The following SVOPL variants were observed in gnomAD, a reference collection of about 807,000 sequenced individuals.
SVOPL encodes the protein putative transporter SVOPL.
In SVOPL, 60 loss-of-function variants were observed where a neutral mutation model predicts 61.0. The observed-to-expected ratio is 0.98, with a 90% CI of 0.80 to 1.22. The LOEUF is 1.22. Among genes scored for constraint, SVOPL ranks in the 50% most tolerant of loss-of-function variants. The probability of loss-of-function intolerance (pLI) is 0.00; values close to 1 mark genes in which losing one functional copy is unlikely to be tolerated. For missense variants in SVOPL, 662 were observed against 643.9 expected (o/e 1.03, Z -0.30); for synonymous variants, 279 against 250.0 (o/e 1.12, Z -1.09).
In SVOPL at chr7:138,612,405, TAAAAAAAAAA is replaced by T. The variant is rs1158818070; in HGVS notation, c.1353+8631_1353+8640del. 3.2e-3 allele frequency among the ~76,000 whole-genome samples: 30 copies of T among 9,334 alleles called. 5 individuals are homozygous for T. Among genetic ancestry groups the T allele is most frequent in the African/African-American group, 0.017 (29 of 1,748 alleles). The allele number at this position is 9,334 out of a possible 152,430, so 6.1% of individuals were successfully genotyped here. A position where few individuals can be genotyped will look rare whatever the true frequency, so the allele number is the denominator to read the frequency against. The stretch of plus-strand genomic sequence containing the variant: ...AAGAATTATCAATAAAAAAATAAAT[TAAAAAAAAAA>T]AAAAAAAATAAAATAAAAAATAAAA... On this transcript the variant is annotated intron_variant, in intron 14 of 15. Transcript: ENST00000674285.
chr7:138,698,292 T>C (rs112845765), intron 1 of SVOPL, among the ~76,000 whole-genome samples: 1,582 of 152,266 alleles, frequency 0.01, 30 homozygotes, highest in African/African-American at 0.037. Context: ...GAGAAATTGC[T>C]ATTGCCTACC....
At chr7:138,611,871 G>T (rs1481163171) in intron 14 of SVOPL, among the ~76,000 whole-genome samples, 2 of 75,916 alleles carry the variant, frequency 2.6e-5, no homozygotes, top group African/African-American at 4.5e-5. Context: ...GCCTCTGCCC[G>T]GCCGCCACCC....
At chr7:138,656,198 T>C (rs1018973853) in intron 7 of SVOPL, among the ~76,000 whole-genome samples, 1 of 152,240 alleles carries the variant, frequency 6.6e-6, no homozygotes, top group Non-Finnish European at 1.5e-5. Flanking sequence ...CAATCAAGTA[T>C]TTTAAAATTA....
At chr7:138,606,342 G>A (rs1387239672) in intron 14 of SVOPL, among the ~76,000 whole-genome samples, 1 of 152,094 alleles carries the variant, frequency 6.6e-6, no homozygotes, top group Admixed American at 6.6e-5. Context: ...ACTGTGGAGA[G>A]GGGACCCAGA....
intron 5 of SVOPL, chr7:138,662,001 C>T: frequency 1.0e-6 from 1 of 985,520 alleles, no homozygotes; most frequent in Non-Finnish European, 1.2e-6. Flanking sequence ...GTTCCCCTAA[C>T]TCCAGAGGTT....
chr7:138,676,902 T>A lies in SVOPL; in HGVS notation c.174+1532A>T, dbSNP rs868178216. 7.3e-3 allele frequency among the ~76,000 whole-genome samples: 922 copies of A among 125,554 alleles called. 8 individuals carry two copies. Among genetic ancestry groups the A allele is most frequent in the African/African-American group, 0.03 (886 of 29,804 alleles). The allele number at this position is 125,554 out of a possible 152,430, so 82.4% of individuals were successfully genotyped here. ...GATTACCCACCTCTTGGGGTTCCTTTTTTTTTTTTTTTTTTTTTTGAGATG... is the reference window on the plus strand; with the variant it reads ...GATTACCCACCTCTTGGGGTTCCTTATTTTTTTTTTTTTTTTTTTGAGATG... On this transcript the variant is annotated intron_variant, in intron 3 of 15. Coordinates refer to ENST00000674285, the MANE Select transcript of SVOPL (RefSeq NM_001139456.2).
Position 138,628,171 on chromosome 7 carries a change from G to A in SVOPL, c.1056C>T (p.Ile352=), listed in dbSNP as rs374157361. The part of the protein sequence containing the change: ...SDYRTMIIST[I]GEIALNPLNI... ...AGGGACACTTACAAGCAATTTCACCGATGGTGCTGATGATCATGGTCCGAT... is the reference window on the plus strand; with the variant it reads ...AGGGACACTTACAAGCAATTTCACCAATGGTGCTGATGATCATGGTCCGAT... Residue 352 remains isoleucine (I), a synonymous_variant, in exon 11 of 16, where the codon ATC becomes ATT. Coordinates refer to ENST00000674285, the MANE Select transcript of SVOPL (RefSeq NM_001139456.2). The A allele has an allele frequency of 1.3e-5, 21 of 1,614,042 alleles. No homozygotes were observed. The highest frequency in any genetic ancestry group is 3.3e-5 in the South Asian group (3 of 91,080).
intron 4 of SVOPL, among the ~76,000 whole-genome samples, chr7:138,670,143 G>C (rs1802379883): frequency 6.6e-6 from 1 of 152,124 alleles, no homozygotes; most frequent in Non-Finnish European, 1.5e-5. Flanking sequence ...ATCCATTTTG[G>C]CTTTAACTTC....
At chr7:138,600,380 T>C (rs1798464332) in intron 14 of SVOPL, among the ~76,000 whole-genome samples, 1 of 152,182 alleles carries the variant, frequency 6.6e-6, no homozygotes, top group Non-Finnish European at 1.5e-5. Flanking sequence ...GGAGGATCTC[T>C]AGCTAGAGCC....
intron 1 of SVOPL, chr7:138,689,244 G>A (rs1802885869): frequency 1.9e-6 from 3 of 1,549,156 alleles, no homozygotes; most frequent in Non-Finnish European, 2.7e-6. Flanking sequence ...AAAGAGTGCT[G>A]AATTTTTGCT....
chr7:138,635,182 A>C (rs570869095), intron 9 of SVOPL, among the ~76,000 whole-genome samples: 4 of 151,888 alleles, frequency 2.6e-5, no homozygotes, highest in Non-Finnish European at 5.9e-5. Flanking sequence ...TGAGGCAGGA[A>C]AATCGCTTGA....
At chr7:138,609,753 G>A (rs1227505258) in intron 14 of SVOPL, among the ~76,000 whole-genome samples, 1 of 151,744 alleles carries the variant, frequency 6.6e-6, no homozygotes, top group Non-Finnish European at 1.5e-5. Context: ...TGGGGAGAGG[G>A]ATAGAGTCTC....
chr7:138,681,486 G>A (rs1584866846), intron 1 of SVOPL, among the ~76,000 whole-genome samples: 1 of 152,076 alleles, frequency 6.6e-6, no homozygotes, highest in Admixed American at 6.6e-5. Flanking sequence ...CCTATAGCAT[G>A]GGCAATATCA....
chr7:138,609,024 T>C (rs1185093962), intron 14 of SVOPL, among the ~76,000 whole-genome samples: 1 of 152,092 alleles, frequency 6.6e-6, no homozygotes, highest in Non-Finnish European at 1.5e-5. Flanking sequence ...AAAGACTGAA[T>C]TGAAAAATGG....
At chr7:138,621,395 T>C (rs1210930887) in intron 13 of SVOPL, among the ~76,000 whole-genome samples, 2 of 152,222 alleles carry the variant, frequency 1.3e-5, no homozygotes, top group Non-Finnish European at 2.9e-5. Flanking sequence ...ATTCCAAATA[T>C]AATTTTAGAA....
rs866084652 is a variant in SVOPL at position 138,678,484 on chromosome 7, C to T, written c.124G>A (p.Gly42Ser). ...FTVEDAVETI[G>S]FGRFHIALFL... Reference sequence around the variant, plus strand: ...AGGGCAATGTGGAAACGCCCGAAGCCGATAGTCTCCACTGCATCTTCCACG... The same window carrying T: ...AGGGCAATGTGGAAACGCCCGAAGCTGATAGTCTCCACTGCATCTTCCACG... The change falls in exon 3 of 16, where the codon GGC becomes AGC. Residue 42 changes from glycine to serine, a missense_variant. Transcript: ENST00000674285. 87 of 1,552,050 alleles carry T rather than the reference C, an allele frequency of 5.6e-5. 1 individual carries two copies. In the East Asian group the frequency reaches 1.4e-3, roughly 26 times the overall value.
intron 1 of SVOPL, among the ~76,000 whole-genome samples, chr7:138,681,054 G>A (rs1385636502): frequency 6.6e-6 from 1 of 151,546 alleles, no homozygotes; most frequent in Admixed American, 6.6e-5. Context: ...ATATTGTTAG[G>A]AACCCAGGTT....
Position 138,621,154 on chromosome 7 carries a change from A to G in SVOPL, c.1264-19T>C. 6.2e-7 allele frequency: 1 copy of G among 1,609,070 alleles called. No individual in the cohort carries two copies. Among genetic ancestry groups the G allele is most frequent in the Non-Finnish European group, 8.5e-7 (1 of 1,177,408 alleles). The stretch of plus-strand genomic sequence containing the variant: ...GGTAGACCTGCAGGGAGAGGCACGG[A>G]AAGTACCAGTCAGATAATGTCCGTC... On this transcript the variant is annotated intron_variant, in intron 13 of 15. Coordinates refer to ENST00000674285, the MANE Select transcript of SVOPL (RefSeq NM_001139456.2).
At chr7:138,674,390 A>C (rs1802504426) in intron 3 of SVOPL, among the ~76,000 whole-genome samples, 1 of 151,988 alleles carries the variant, frequency 6.6e-6, no homozygotes, top group African/African-American at 2.4e-5. Context: ...CACTGTCAAC[A>C]TATCAATGCT....
Sources: allele counts gnomAD v4.1 joint callset (sites outside exome capture counted in the v4.1 genomes callset), GRCh38; gene constraint gnomAD v4.1.1; transcripts MANE v1.5; gene names NCBI Gene and HGNC (gene_info 2026-07-23, HGNC 2026-07-21).